The following NAALADL2 variants were observed in gnomAD, a reference collection of about 807,000 sequenced individuals.
The protein encoded by NAALADL2 is inactive N-acetylated-alpha-linked acidic dipeptidase-like protein 2.
NAALADL2 carries 76 observed loss-of-function variants against 87.2 expected under a neutral mutation model. The observed-to-expected ratio is 0.87, with a 90% confidence interval of 0.72 to 1.05. The LOEUF (loss-of-function observed/expected upper bound fraction) is 1.05. Among genes scored for constraint, NAALADL2 ranks in the 50% least tolerant of loss-of-function variants. The pLI, the probability that NAALADL2 is intolerant of heterozygous loss-of-function variation, is 0.00. For synonymous variants in NAALADL2, 354 were observed against 331.0 expected (o/e 1.07, Z -0.75); for missense variants, 1,089 against 945.8 (o/e 1.15, Z -1.99).
At chr3:175,372,098 A>T (rs897231371) in intron 5 of NAALADL2, among the ~76,000 whole-genome samples, 32 of 152,068 alleles carry the variant, frequency 2.1e-4, no homozygotes, top group Non-Finnish European at 3.4e-4. Flanking sequence ...AGTTCACAAA[A>T]TTTTTTTTCC....
chr3:175,590,211 AAT>A (rs66991809), intron 10 of NAALADL2, among the ~76,000 whole-genome samples: 2 of 5,964 alleles, frequency 3.4e-4, no homozygotes, highest in African/African-American at 1.0e-3. Context: ...GACTCCGTCT[AAT>A]ATATATATAT....
intron 2 of NAALADL2, among the ~76,000 whole-genome samples, chr3:174,697,016 T>C (rs564548544): frequency 1.3e-5 from 2 of 152,258 alleles, no homozygotes; most frequent in African/African-American, 4.8e-5. Flanking sequence ...TTGTAAAATA[T>C]AAAATATTTT....
At chr3:174,958,472 C>T (rs1741476650) in intron 1 of NAALADL2, among the ~76,000 whole-genome samples, 1 of 151,950 alleles carries the variant, frequency 6.6e-6, no homozygotes, top group South Asian at 2.1e-4. Flanking sequence ...TGTTACATCA[C>T]CACTTTTATC....
At chr3:174,533,709 T>C (rs982367427) in intron 1 of NAALADL2, among the ~76,000 whole-genome samples, 4 of 151,914 alleles carry the variant, frequency 2.6e-5, no homozygotes, top group African/African-American at 9.7e-5. Flanking sequence ...AGCTCCATAA[T>C]AGATCTTACA....
chr3:175,174,898 A>G (rs1317924352), intron 2 of NAALADL2, among the ~76,000 whole-genome samples: 1 of 152,050 alleles, frequency 6.6e-6, no homozygotes, highest in Non-Finnish European at 1.5e-5. Flanking sequence ...ACAGAGAACT[A>G]CATTTAATAT....
intron 2 of NAALADL2, among the ~76,000 whole-genome samples, chr3:174,623,703 A>C (rs577288590): frequency 3.3e-5 from 5 of 152,196 alleles, no homozygotes; most frequent in Non-Finnish European, 7.4e-5. Flanking sequence ...ATGTTGTTGA[A>C]GGGTCAACTA....
chr3:174,815,417 A>G (rs147350087), intron 3 of NAALADL2, among the ~76,000 whole-genome samples: 191 of 148,026 alleles, frequency 1.3e-3, no homozygotes, highest in Non-Finnish European at 2.2e-3. Flanking sequence ...TATGTGTCCA[A>G]ATTTATTATT....
chr3:175,566,518 GTATAT>G (rs1717168131), intron 9 of NAALADL2, among the ~76,000 whole-genome samples: 1 of 151,998 alleles, frequency 6.6e-6, no homozygotes, highest in Non-Finnish European at 1.5e-5. Flanking sequence ...TCTAAAGACT[GTATAT>G]TATTTCATTA....
intron 2 of NAALADL2, among the ~76,000 whole-genome samples, chr3:174,703,943 G>T (rs1020253174): frequency 6.6e-6 from 1 of 152,134 alleles, no homozygotes; most frequent in African/African-American, 2.4e-5. Flanking sequence ...CTCTAGGCTG[G>T]ACTGAATGCT....
intron 6 of NAALADL2, among the ~76,000 whole-genome samples, chr3:175,448,677 A>G (rs936481168): frequency 6.6e-6 from 1 of 152,052 alleles, no homozygotes; most frequent in Non-Finnish European, 1.5e-5. Flanking sequence ...TATGTGTATC[A>G]ATTCTTTTTT....
At chr3:175,173,002 G>T (rs1461003510) in intron 2 of NAALADL2, among the ~76,000 whole-genome samples, 1 of 151,984 alleles carries the variant, frequency 6.6e-6, no homozygotes, top group South Asian at 2.1e-4. Flanking sequence ...TAAAAATATT[G>T]CAATGAAGCC....
chr3:175,780,136 C>A (rs112769604), intron 13 of NAALADL2, among the ~76,000 whole-genome samples: 1 of 151,220 alleles, frequency 6.6e-6, no homozygotes, highest in South Asian at 2.1e-4. Context: ...ATTAGCCGGG[C>A]GTGGTGGTGG....
At chr3:175,405,260 A>G (rs986862231) in intron 5 of NAALADL2, among the ~76,000 whole-genome samples, 2 of 152,138 alleles carry the variant, frequency 1.3e-5, no homozygotes, top group Non-Finnish European at 2.9e-5. Context: ...TCTGTAAGTT[A>G]TTTTTATAAG....
chr3:175,332,463 G>T (rs1432559186), intron 5 of NAALADL2, among the ~76,000 whole-genome samples: 1 of 152,134 alleles, frequency 6.6e-6, no homozygotes, highest in African/African-American at 2.4e-5. Context: ...ACCATGCCTG[G>T]CTAATATTTT....
At chr3:175,325,707 C>T (rs1174794600) in intron 5 of NAALADL2, among the ~76,000 whole-genome samples, 2 of 152,182 alleles carry the variant, frequency 1.3e-5, no homozygotes, top group African/African-American at 2.4e-5. Context: ...TTCATAAATA[C>T]AGAATTCAGT....
At chr3:174,874,995 TCCCAGC>T (rs1232927333) in intron 1 of NAALADL2, among the ~76,000 whole-genome samples, 14 of 151,412 alleles carry the variant, frequency 9.2e-5, no homozygotes, top group African/African-American at 3.1e-4. Context: ...GCACCCATAG[TCCCAGC>T]TATTTGGGGG....
At chr3:174,626,088 A>AT (rs34520470) in intron 2 of NAALADL2, among the ~76,000 whole-genome samples, 132 of 138,870 alleles carry the variant, frequency 9.5e-4, no homozygotes, top group South Asian at 3.4e-3. Flanking sequence ...ATAACTATAG[A>AT]TTTTTTTTTT....
chr3:175,546,501 G>A (rs1471723718), intron 9 of NAALADL2, among the ~76,000 whole-genome samples: 1 of 152,040 alleles, frequency 6.6e-6, no homozygotes, highest in Non-Finnish European at 1.5e-5. Flanking sequence ...GTACTTCCGT[G>A]TGTTTTTGTA....
intron 1 of NAALADL2, among the ~76,000 whole-genome samples, chr3:175,013,047 AC>A (rs1750082311): frequency 8.3e-6 from 1 of 120,498 alleles, no homozygotes; most frequent in African/African-American, 3.8e-5. Flanking sequence ...TATAATATAT[AC>A]ATAAATATAT....
Sources: gnomAD v4.1 joint callset for allele counts (sites outside exome capture counted in the v4.1 genomes callset) on GRCh38, gnomAD v4.1.1 for gene constraint, MANE v1.5 for transcripts, NCBI Gene and HGNC (gene_info 2026-07-23, HGNC 2026-07-21) for gene names.